Variants in ARHGAP28 observed in about 807,000 individuals in gnomAD.
ARHGAP28 encodes the protein Rho GTPase activating protein 28, also known as rho GTPase-activating protein 28.
In ARHGAP28, 56 loss-of-function variants were observed where a neutral mutation model predicts 90.7. The observed-to-expected ratio is 0.62, with a 90% CI of 0.50 to 0.77. ARHGAP28 has a LOEUF of 0.77. Ranked by LOEUF, ARHGAP28 falls within the 30% of genes least tolerant of loss-of-function variation. The probability of loss-of-function intolerance (pLI) is 0.00; values close to 1 mark genes in which losing one functional copy is unlikely to be tolerated. For synonymous variants in ARHGAP28, 308 were observed against 323.3 expected, an observed-to-expected ratio of 0.95 and a Z score of 0.51; for missense variants, 869 against 900.9, an observed-to-expected ratio of 0.96 and a Z score of 0.45.
chr18:6,823,752 T>C (rs1567959138), intron 1 of ARHGAP28, among the ~76,000 whole-genome samples: 1 of 152,108 alleles, frequency 6.6e-6, no homozygotes, highest in Non-Finnish European at 1.5e-5. Context: ...TTATTTTCCT[T>C]CTTTTATTTT....
intron 1 of ARHGAP28, among the ~76,000 whole-genome samples, chr18:6,758,983 C>G (rs1040780934): frequency 2.0e-5 from 3 of 152,162 alleles, no homozygotes; most frequent in Non-Finnish European, 4.4e-5. Context: ...CATACTTAAT[C>G]ACATATGACA....
intron 10 of ARHGAP28, among the ~76,000 whole-genome samples, chr18:6,878,495 TAAAA>T (rs908536592): frequency 4.0e-5 from 6 of 149,412 alleles, no homozygotes; most frequent in Non-Finnish European, 7.4e-5. Flanking sequence ...TAAAGTATAA[TAAAA>T]AAAAAATTAC....
chr18:6,891,793 G>A (rs1389499229), intron 14 of ARHGAP28, among the ~76,000 whole-genome samples: 1 of 152,034 alleles, frequency 6.6e-6, no homozygotes, highest in Non-Finnish European at 1.5e-5. Flanking sequence ...GGGTCTTGCT[G>A]TATTGCCCAG....
intron 1 of ARHGAP28, among the ~76,000 whole-genome samples, chr18:6,822,648 A>G (rs2056634201): frequency 6.6e-6 from 1 of 152,220 alleles, no homozygotes; most frequent in Non-Finnish European, 1.5e-5. Flanking sequence ...ATAAAAAATA[A>G]AAGTAGATAT....
intron 1 of ARHGAP28, among the ~76,000 whole-genome samples, chr18:6,796,166 T>A (rs2056440367): frequency 6.6e-6 from 1 of 152,228 alleles, no homozygotes; most frequent in African/African-American, 2.4e-5. Context: ...ACAACCAGCC[T>A]GATTTCTGTA....
intron 16 of ARHGAP28, among the ~76,000 whole-genome samples, chr18:6,903,628 C>T (rs1018914216): frequency 9.2e-5 from 14 of 151,880 alleles, no homozygotes; most frequent in African/African-American, 2.9e-4. Flanking sequence ...GTCAGGAGTT[C>T]GAGATCAGTC....
At chr18:6,827,770 T>G (rs1178767661) in intron 2 of ARHGAP28, among the ~76,000 whole-genome samples, 1 of 133,210 alleles carries the variant, frequency 7.5e-6, no homozygotes, top group African/African-American at 2.9e-5. Context: ...AGGCGGAGGG[T>G]CTCCTCACTT....
At chr18:6,822,838 A>G (rs2143758971) in intron 1 of ARHGAP28, among the ~76,000 whole-genome samples, 1 of 152,360 alleles carries the variant, frequency 6.6e-6, no homozygotes, top group East Asian at 1.9e-4. Flanking sequence ...TGTGTACAGC[A>G]TATGAGCAAA....
intron 12 of ARHGAP28, among the ~76,000 whole-genome samples, chr18:6,888,839 C>G (rs751816271): frequency 6.6e-6 from 1 of 152,068 alleles, no homozygotes; most frequent in African/African-American, 2.4e-5. Flanking sequence ...ATTTTTTATT[C>G]TAAATTGTGA....
chr18:6,794,656 T>G (rs1228464926), intron 1 of ARHGAP28, among the ~76,000 whole-genome samples: 1 of 152,154 alleles, frequency 6.6e-6, no homozygotes, highest in African/African-American at 2.4e-5. Flanking sequence ...ATCTTGAGAC[T>G]CTGAATTCTA....
intron 1 of ARHGAP28, among the ~76,000 whole-genome samples, chr18:6,747,950 A>G (rs1395677318): frequency 6.6e-6 from 1 of 152,188 alleles, no homozygotes; most frequent in East Asian, 1.9e-4. Flanking sequence ...GAAGGCTTTA[A>G]CTCGACACTA....
intron 1 of ARHGAP28, among the ~76,000 whole-genome samples, chr18:6,793,940 T>G (rs1437467037): frequency 6.6e-6 from 1 of 152,170 alleles, no homozygotes; most frequent in Non-Finnish European, 1.5e-5. Flanking sequence ...ACTTTGTAAA[T>G]TCTATATGTT....
intron 4 of ARHGAP28, among the ~76,000 whole-genome samples, chr18:6,852,738 A>T (rs1211834315): frequency 6.6e-6 from 1 of 152,168 alleles, no homozygotes; most frequent in East Asian, 1.9e-4. Context: ...TACCTTCTTC[A>T]TACCCGTTAG....
intron 5 of ARHGAP28, among the ~76,000 whole-genome samples, chr18:6,865,076 A>G (rs992449562): frequency 2.0e-5 from 3 of 152,116 alleles, no homozygotes; most frequent in African/African-American, 7.2e-5. Flanking sequence ...AATTTATTCA[A>G]ATCTTATTTT....
Position 6,912,351 on chromosome 18 carries a change from C to A in ARHGAP28, c.*197C>A. 1 of 331,494 alleles carries A rather than the reference C, an allele frequency of 3.0e-6. No homozygotes were observed. The highest frequency in any genetic ancestry group is 5.5e-6 in the Non-Finnish European group (1 of 181,038). 20.5% of individuals were successfully genotyped at this position (331,494 alleles called of 1,614,324 possible). On this transcript the variant is annotated 3_prime_UTR_variant, in exon 18 of 18. Coordinates refer to ENST00000383472, the MANE Select transcript of ARHGAP28 (RefSeq NM_001366230.1). ...CAATTCAACTGAAGCTTTCTCATGA[C>A]TTTTTTTTTTATAAAAGTAAAGGAA... is the stretch of plus-strand genomic sequence containing the variant.
At chr18:6,806,714 A>G (rs1178065288) in intron 1 of ARHGAP28, among the ~76,000 whole-genome samples, 1 of 152,008 alleles carries the variant, frequency 6.6e-6, no homozygotes, top group Non-Finnish European at 1.5e-5. Flanking sequence ...TATGCTCTTC[A>G]TTCTCATTAT....
At chr18:6,738,714 A>G (rs2055949444) in intron 1 of ARHGAP28, among the ~76,000 whole-genome samples, 1 of 152,188 alleles carries the variant, frequency 6.6e-6, no homozygotes. Flanking sequence ...AGCCAAAGTT[A>G]CATGTCAGTG....
chr18:6,906,370 C>T (rs1474687159), intron 16 of ARHGAP28, among the ~76,000 whole-genome samples: 4 of 152,128 alleles, frequency 2.6e-5, no homozygotes, highest in African/African-American at 9.7e-5. Context: ...CAACCATCAC[C>T]GTCATTCATA....
At position 6,837,497 on chromosome 18, in the gene ARHGAP28, T is replaced by C. The variant is rs1394130682; in HGVS notation, c.543+83T>C. On this transcript the variant is annotated intron_variant, in intron 3 of 17. Coordinates refer to ENST00000383472, the MANE Select transcript of ARHGAP28 (RefSeq NM_001366230.1). ...GGGTGGGGCTGGGGTGGAAAAAATA[T>C]CAGAAATGTCTGCTTGGGTGGTTCC... The C allele has an allele frequency of 6.0e-6, 6 of 1,001,278 alleles. No individual in the cohort carries two copies. In the Admixed American group the frequency reaches 1.1e-4, roughly 18 times the overall value. 62.0% of individuals were successfully genotyped at this position (1,001,278 alleles called of 1,614,324 possible).
Sources: allele counts gnomAD v4.1 joint callset (sites outside exome capture counted in the v4.1 genomes callset), GRCh38; gene constraint gnomAD v4.1.1; transcripts MANE v1.5; gene names NCBI Gene and HGNC (gene_info 2026-07-23, HGNC 2026-07-21).